The following GET1 variants were observed in gnomAD, a reference collection of about 807,000 sequenced individuals.
GET1 encodes the protein congenital heart disease 5 protein.
GET1 carries 20 observed loss-of-function variants against 22.6 expected under a neutral mutation model. The ratio of observed to expected loss-of-function variants is 0.89; its 90% CI spans 0.62 to 1.29. The LOEUF is 1.29. Among genes scored for constraint, GET1 ranks in the 50% most tolerant of loss-of-function variants. The pLI, the probability that GET1 is intolerant of heterozygous loss-of-function variation, is 0.00. For missense variants in GET1, 209 were observed against 219.9 expected, an observed-to-expected ratio of 0.95 and a Z score of 0.31; for synonymous variants, 92 against 83.8, an observed-to-expected ratio of 1.10 and a Z score of -0.53.
intron 4 of GET1, among the ~76,000 whole-genome samples, chr21:39,394,560 A>C (rs2038516170): frequency 6.6e-6 from 1 of 152,150 alleles, no homozygotes; most frequent in African/African-American, 2.4e-5. Flanking sequence ...TTTATTTCTC[A>C]CTGTTCCGGA....
chr21:39,389,305 A>G (rs556439990), intron 1 of GET1, among the ~76,000 whole-genome samples: 81 of 151,254 alleles, frequency 5.4e-4, no homozygotes, highest in African/African-American at 2.0e-3. Context: ...TTTTTGAGAC[A>G]AGGTCTCACC....
At chr21:39,420,736 C>T (rs1046727812) in intron 1 of GET1, 13 of 1,612,668 alleles carry the variant, frequency 8.1e-6, no homozygotes, top group Admixed American at 3.3e-5. Flanking sequence ...GTTTTACTTC[C>T]ACCTGCAGAG....
chr21:39,428,207 T>G lies in GET1; in HGVS notation c.*24-25T>G, dbSNP rs199978543. On this transcript the variant is annotated intron_variant, in intron 1 of 1. Transcript: ENST00000478273. ...GGAGATTTTAGAAACATTATACTTT[T>G]TCTTCTCCTTTTCTTTTACCACAGG... The G allele has an allele frequency of 4.4e-6, 7 of 1,598,778 alleles. No homozygotes were observed. Among genetic ancestry groups the G allele is most frequent in the Non-Finnish European group, 6.0e-6 (7 of 1,170,912 alleles).
At chr21:39,409,462 G>A (rs1218731901), downstream of GET1, among the ~76,000 whole-genome samples, 1 of 152,170 alleles carries the variant, frequency 6.6e-6, no homozygotes, top group Admixed American at 6.5e-5. This position sits in a 1 kb window ranked among gnomAD's most constrained non-coding sequence, Gnocchi z 4.2. Flanking sequence ...GTGGTTTCTG[G>A]TGGGCAGGGC....
chr21:39,389,471 G>A (rs2038153892), intron 1 of GET1, among the ~76,000 whole-genome samples: 1 of 152,128 alleles, frequency 6.6e-6, no homozygotes. Context: ...TGTCTTTGTT[G>A]AAAGTGAGAA....
At position 39,393,238 on chromosome 21, in the gene GET1, A is replaced by G. The variant is rs1365916095; in HGVS notation, c.409A>G (p.Thr137Ala). Reference sequence around the variant, plus strand: ...GGCTGTCGTGCCGAGTAAATGGATAACCCCTCTAGACCGCCTGGTAGCCTT... The same window carrying G: ...GGCTGTCGTGCCGAGTAAATGGATAGCCCCTCTAGACCGCCTGGTAGCCTT... ...PVAVVPSKWITPLDRLVAFPT... is the reference protein window; with the variant it reads ...PVAVVPSKWIAPLDRLVAFPT... Residue 137 changes from threonine (T) to alanine (A), a missense_variant, in exon 4 of 5, where the codon ACC (threonine) becomes GCC (alanine). Coordinates refer to ENST00000649170, the MANE Select transcript of GET1 (RefSeq NM_004627.6). 6.2e-7 allele frequency: 1 copy of G among 1,614,064 alleles called. No individual in the cohort carries two copies. The highest frequency in any genetic ancestry group is 1.1e-5 in the South Asian group (1 of 91,064).
chr21:39,412,235 A>G (rs2040209568), intron 1 of GET1, among the ~76,000 whole-genome samples: 1 of 152,348 alleles, frequency 6.6e-6, no homozygotes, highest in East Asian at 1.9e-4. Context: ...TAGTGACTAC[A>G]GTATTGGATG....
downstream of GET1, among the ~76,000 whole-genome samples, chr21:39,410,641 G>A (rs554942100): frequency 9.2e-5 from 14 of 152,286 alleles, no homozygotes; most frequent in South Asian, 2.9e-3. Flanking sequence ...GTCCTTTGTG[G>A]ATGGGATTCA....
At chr21:39,388,767 G>A (rs1211377283) in intron 1 of GET1, among the ~76,000 whole-genome samples, 1 of 152,122 alleles carries the variant, frequency 6.6e-6, no homozygotes, top group Admixed American at 6.5e-5. Context: ...GGTCACTGCC[G>A]ACTCCTCCGT....
chr21:39,405,708 A>G, intron 4 of GET1: 1 of 450,064 alleles, frequency 2.2e-6, no homozygotes, highest in Non-Finnish European at 3.8e-6. Flanking sequence ...TGGCTAATAT[A>G]AAATAGATTT....
At chr21:39,420,876 A>G in intron 1 of GET1, 1 of 1,555,038 alleles carries the variant, frequency 6.4e-7, no homozygotes, top group Non-Finnish European at 8.8e-7. Context: ...CTATTCTGCA[A>G]CCAAGTTAGT....
intron 1 of GET1, chr21:39,386,185 A>G (rs1037800892): frequency 7.9e-5 from 12 of 152,102 alleles, no homozygotes; most frequent in Admixed American, 5.9e-4. Flanking sequence ...TTTTTCCTCT[A>G]GGGGACTGAA....
chr21:39,391,882 C>T lies in GET1; in HGVS notation c.336+46C>T, dbSNP rs201454241. On this transcript the variant is annotated intron_variant, in intron 3 of 4. Transcript: ENST00000649170. ...GCCGGGTCATTGGAGTTGGTGACCC[C>T]GGCCTCCAGAGCCGTGTCTGCAGAT... is the stretch of plus-strand genomic sequence containing the variant. 1.0e-3 allele frequency: 1,613 copies of T among 1,590,180 alleles called. 2 individuals are homozygous for T. The highest frequency in any genetic ancestry group is 1.3e-3 in the Non-Finnish European group (1,480 of 1,158,608).
In GET1 at chr21:39,420,936, C is replaced by G. The variant is rs976240966; in HGVS notation, c.*24-7296C>G. On this transcript the variant is annotated intron_variant, in intron 1 of 1. Coordinates refer to the GET1 transcript ENST00000478273. ...GAACTAACTACATTTATGAAAAGTG[C>G]ACATTTTCAATACAATTTTAGTGAA... The G allele has an allele frequency of 4.7e-5, 45 of 951,094 alleles. No individual in the cohort carries two copies. The East Asian group carries it at 1.0e-3, about 22-fold the overall frequency. The allele number at this position is 951,094 out of a possible 1,614,324, so 58.9% of individuals were successfully genotyped here.
At chr21:39,415,981 A>C (rs965951335) in intron 1 of GET1, among the ~76,000 whole-genome samples, 3 of 152,180 alleles carry the variant, frequency 2.0e-5, no homozygotes, top group Non-Finnish European at 4.4e-5. Flanking sequence ...GGAAGCGCGT[A>C]TCTCTTATGT....
intron 1 of GET1, chr21:39,422,970 A>G (rs972068299): frequency 1.2e-6 from 2 of 1,612,656 alleles, no homozygotes; most frequent in Middle Eastern, 1.7e-4. Context: ...CCCCTGAAAT[A>G]CAGACCTGTA....
intron 1 of GET1, among the ~76,000 whole-genome samples, chr21:39,387,004 C>T (rs983349281): frequency 1.3e-5 from 2 of 152,084 alleles, no homozygotes; most frequent in South Asian, 4.2e-4. Flanking sequence ...GGACCACAGG[C>T]GTGCACCACC....
Position 39,419,523 on chromosome 21 carries a change from C to CAAAAA in GET1, c.*23+8594_*23+8598dup, listed in dbSNP as rs5843964. Among the ~76,000 whole-genome samples the CAAAAA allele has an allele frequency of 1.9e-4, 24 of 123,530 alleles. No individual in the cohort carries two copies. The South Asian group carries it at 4.9e-3, about 25-fold the overall frequency. 81.0% of individuals were successfully genotyped at this position (123,530 alleles called of 152,430 possible). ...CTGGGCAACAGAGCAAGACCCTGTT[C>CAAAAA]AAAAAAAAAAAAGAAAAAAGAAAAA... is the stretch of plus-strand genomic sequence containing the variant. On this transcript the variant is annotated intron_variant, in intron 1 of 1. Transcript: ENST00000478273.
chr21:39,395,663 CAGGA>C (rs1470598345), intron 4 of GET1, among the ~76,000 whole-genome samples: 1 of 152,222 alleles, frequency 6.6e-6, no homozygotes, highest in Non-Finnish European at 1.5e-5. Flanking sequence ...TGTGCCTGGC[CAGGA>C]ATGGCTGTTT....
Sources: allele counts gnomAD v4.1 joint callset (sites outside exome capture counted in the v4.1 genomes callset), GRCh38; gene constraint gnomAD v4.1.1; non-coding constraint Gnocchi (gnomAD v3.1); transcripts MANE v1.5; gene names NCBI Gene and HGNC (gene_info 2026-07-23, HGNC 2026-07-21).